ARMC8: variants seen among roughly 807,000 people sequenced by gnomAD.
ARMC8 encodes the protein armadillo repeat-containing protein 8.
A neutral mutation model predicts 99.3 loss-of-function variants in ARMC8; 20 were observed. The observed-to-expected ratio is 0.20, with a 90% CI of 0.14 to 0.29. The LOEUF is 0.29. Among genes scored for constraint, ARMC8 ranks in the 10% least tolerant of loss-of-function variants. The probability of loss-of-function intolerance (pLI) is 1.00; values close to 1 mark genes in which losing one functional copy is unlikely to be tolerated. For missense variants in ARMC8, 569 were observed against 809.5 expected, an observed-to-expected ratio of 0.70 and a Z score of 3.60; for synonymous variants, 263 against 278.3, an observed-to-expected ratio of 0.95 and a Z score of 0.55.
chr3:138,279,688 G>A (rs910106693), intron 18 of ARMC8, among the ~76,000 whole-genome samples: 1 of 152,168 alleles, frequency 6.6e-6, no homozygotes, highest in Non-Finnish European at 1.5e-5. Context: ...TTGTGGAAAG[G>A]TGTTTAACTA....
At chr3:138,202,102 C>CT in intron 1 of ARMC8, among the ~76,000 whole-genome samples, 1 of 152,118 alleles carries the variant, frequency 6.6e-6, no homozygotes, top group Non-Finnish European at 1.5e-5. Flanking sequence ...GTGTTTGTTT[C>CT]TTTCATCTCT....
intron 5 of ARMC8, among the ~76,000 whole-genome samples, chr3:138,225,106 T>C (rs2045613373): frequency 7.5e-6 from 1 of 132,454 alleles, no homozygotes; most frequent in African/African-American, 2.7e-5. Flanking sequence ...TCATTTCTTC[T>C]GGCTTTTTTT....
chr3:138,225,148 C>G (rs557952765), intron 5 of ARMC8, among the ~76,000 whole-genome samples: 2 of 140,776 alleles, frequency 1.4e-5, no homozygotes, highest in African/African-American at 5.2e-5. Context: ...GTCTCTCTCA[C>G]CGAGGCTGGA....
At chr3:138,275,566 A>C (rs529983686) in intron 18 of ARMC8, among the ~76,000 whole-genome samples, 1 of 152,312 alleles carries the variant, frequency 6.6e-6, no homozygotes, top group South Asian at 2.1e-4. Flanking sequence ...CTCAAAAAAA[A>C]AAAAATTCAT....
intron 1 of ARMC8, chr3:138,188,657 GGTTCCTAGAGTCTT>G: frequency 8.1e-7 from 1 of 1,238,698 alleles, no homozygotes; most frequent in South Asian, 1.2e-5. Flanking sequence ...TGACTTGTCG[GGTTCCTAGAGTCTT>G]GTAACTACAA....
chr3:138,208,471 G>T (rs543793293), intron 1 of ARMC8, among the ~76,000 whole-genome samples: 2 of 152,182 alleles, frequency 1.3e-5, no homozygotes, highest in Admixed American at 1.3e-4. Context: ...CGTCTCAGGG[G>T]AGGGGGGAAG....
At chr3:138,245,556 T>A (rs1196282260) in intron 12 of ARMC8, 1 of 1,085,322 alleles carries the variant, frequency 9.2e-7, no homozygotes, top group Non-Finnish European at 1.1e-6. Flanking sequence ...TGGAAATACC[T>A]TCCAATGCTA....
intron 6 of ARMC8, among the ~76,000 whole-genome samples, chr3:138,232,014 A>C (rs996091245): frequency 9.0e-6 from 1 of 111,340 alleles, no homozygotes; most frequent in Admixed American, 1.4e-4. Context: ...TCTGTCTTCC[A>C]GGCTAGAGTG....
intron 6 of ARMC8, among the ~76,000 whole-genome samples, chr3:138,234,015 T>C (rs561476517): frequency 6.6e-6 from 1 of 152,328 alleles, no homozygotes; most frequent in Non-Finnish European, 1.5e-5. Flanking sequence ...GTACATTGAT[T>C]AGTAGAAAAC....
chr3:138,251,013 C>T (rs572048671), intron 12 of ARMC8, among the ~76,000 whole-genome samples: 67 of 151,954 alleles, frequency 4.4e-4, no homozygotes, highest in South Asian at 1.5e-3. Context: ...TATCCAGGCC[C>T]GGTGGCATGC....
intron 12 of ARMC8, chr3:138,262,525 C>G (rs1200779122): frequency 6.2e-7 from 1 of 1,612,124 alleles, no homozygotes; most frequent in African/African-American, 1.3e-5. Context: ...GGTCAGACTT[C>G]TGAATCCTCT....
intron 12 of ARMC8, chr3:138,261,901 G>A (rs1038731003): frequency 6.6e-6 from 1 of 152,218 alleles, no homozygotes; most frequent in Non-Finnish European, 1.5e-5. Context: ...AAGATGAGGT[G>A]GGCACAGAGT....
intron 21 of ARMC8, among the ~76,000 whole-genome samples, chr3:138,291,062 T>C (rs1159987401): frequency 6.6e-6 from 1 of 152,234 alleles, no homozygotes; most frequent in East Asian, 1.9e-4. Flanking sequence ...AAGGAATCAC[T>C]GTCCTCAAAG....
intron 17 of ARMC8, 31 bp from the exon 18 acceptor site, chr3:138,274,418 T>C (rs2049080536): frequency 7.0e-7 from 1 of 1,433,304 alleles, no homozygotes. Context: ...TTTGTTTCTT[T>C]GATAATTATG....
intron 1 of ARMC8, among the ~76,000 whole-genome samples, chr3:138,191,637 T>G (rs1011808662): frequency 2.6e-5 from 4 of 152,220 alleles, no homozygotes; most frequent in Non-Finnish European, 5.9e-5. Context: ...TCCCTCTTTA[T>G]AGTCCCACCT....
chr3:138,283,469 T>C (rs1398231385), intron 18 of ARMC8, among the ~76,000 whole-genome samples: 1 of 152,246 alleles, frequency 6.6e-6, no homozygotes, highest in Non-Finnish European at 1.5e-5. Context: ...GCCTTCTCTA[T>C]TCTCTGTTTA....
At position 138,279,996 on chromosome 3, in the gene ARMC8, C is replaced by T. The variant is rs774263550; in HGVS notation, c.1726-4435C>T. ...TCGGCTCACTGCAACCTCTGCCTCC[C>T]GGGTTCAAACCTTTCTCCTGCCTCC... On this transcript the variant is annotated intron_variant, in intron 18 of 21. Coordinates refer to ENST00000469044, the MANE Select transcript of ARMC8 (RefSeq NM_001363941.2). Among the ~76,000 whole-genome samples the T allele has an allele frequency of 4.6e-5, 7 of 151,876 alleles. No homozygotes were observed. In the East Asian group the frequency reaches 5.8e-4, roughly 13 times the overall value.
At chr3:138,263,587 C>A (rs568422712) in intron 12 of ARMC8, 152 bp from the exon 13 acceptor site, 1 of 695,786 alleles carries the variant, frequency 1.4e-6, no homozygotes, top group African/African-American at 1.7e-5. Context: ...ATGAGCTGCC[C>A]GCCCCCAGCG....
intron 5 of ARMC8, among the ~76,000 whole-genome samples, chr3:138,227,957 C>G (rs2045778789): frequency 6.6e-6 from 1 of 152,102 alleles, no homozygotes. Context: ...CTTTTAACTC[C>G]TTCTGCTTTC....
Sources: allele counts gnomAD v4.1 joint callset (sites outside exome capture counted in the v4.1 genomes callset), GRCh38; gene constraint gnomAD v4.1.1; transcripts MANE v1.5; gene names NCBI Gene and HGNC (gene_info 2026-07-23, HGNC 2026-07-21).